CNBD1: variants seen among roughly 807,000 people sequenced by gnomAD.
The protein encoded by CNBD1 is cyclic nucleotide-binding domain-containing protein 1.
CNBD1 carries 71 observed loss-of-function variants against 54.4 expected under a neutral mutation model. That is an observed-to-expected ratio of 1.30 (90% confidence interval 1.08 to 1.59). The LOEUF (loss-of-function observed/expected upper bound fraction) is 1.59, where lower values mean the gene tolerates loss of function less well. CNBD1 is among the 40% of genes most tolerant of loss of function. The pLI is 0.00. For missense variants in CNBD1, 659 were observed against 518.0 expected, an observed-to-expected ratio of 1.27 and a Z score of -2.64; for synonymous variants, 182 against 170.7, an observed-to-expected ratio of 1.07 and a Z score of -0.51.
intron 8 of CNBD1, among the ~76,000 whole-genome samples, chr8:87,291,089 G>A (rs1015798595): frequency 6.6e-6 from 1 of 152,132 alleles, no homozygotes; most frequent in African/African-American, 2.4e-5. Flanking sequence ...CTTAGAAATA[G>A]TCTATGTCCT....
chr8:86,911,476 A>G (rs1253248346), intron 3 of CNBD1, among the ~76,000 whole-genome samples: 1 of 152,216 alleles, frequency 6.6e-6, no homozygotes, highest in African/African-American at 2.4e-5. Context: ...TTATTGATAC[A>G]TAGTAGATGT....
rs532418575 is a variant in CNBD1, at chr8:86,907,685, A to T, written c.272+2491A>T. Reference sequence around the variant, plus strand: ...CTATCTAAAAAAAAAACAAAAACAAAAAAACAAAAAAAAACCCCTTAAACT... The same window carrying T: ...CTATCTAAAAAAAAAACAAAAACAATAAAACAAAAAAAAACCCCTTAAACT... On this transcript the variant is annotated intron_variant, in intron 3 of 10. Coordinates refer to ENST00000518476, the MANE Select transcript of CNBD1 (RefSeq NM_173538.3). Among the ~76,000 whole-genome samples the T allele has an allele frequency of 5.9e-5, 9 of 152,088 alleles. No individual in the cohort carries two copies. The South Asian group carries it at 1.9e-3, about 32-fold the overall frequency.
chr8:87,334,578 C>CGT (rs1554580488), intron 8 of CNBD1, among the ~76,000 whole-genome samples: 1 of 151,562 alleles, frequency 6.6e-6, no homozygotes, highest in Non-Finnish European at 1.5e-5. Flanking sequence ...GTATGTTTTT[C>CGT]TGTTTTTATT....
intron 2 of CNBD1, among the ~76,000 whole-genome samples, chr8:87,418,397 C>T (rs76491288): frequency 0.018 from 2,762 of 151,834 alleles, 83 homozygotes; most frequent in African/African-American, 0.06. Context: ...TTTAACAAGT[C>T]GAAAAATTCT....
chr8:86,990,318 C>A (rs949080443), intron 4 of CNBD1, among the ~76,000 whole-genome samples: 1 of 152,050 alleles, frequency 6.6e-6, no homozygotes, highest in Non-Finnish European at 1.5e-5. Context: ...TGTAGTAGTT[C>A]CATGGTTTAT....
intron 2 of CNBD1, among the ~76,000 whole-genome samples, chr8:86,892,325 G>C (rs977053418): frequency 6.6e-6 from 1 of 151,988 alleles, no homozygotes; most frequent in African/African-American, 2.4e-5. Context: ...TATCACCTGT[G>C]AACAGCTTTT....
chr8:87,175,755 C>T lies in CNBD1; in HGVS notation c.432-30238C>T, dbSNP rs531930052. Among the ~76,000 whole-genome samples, 7 of 152,224 alleles carry T rather than the reference C, an allele frequency of 4.6e-5. No individual in the cohort carries two copies. The South Asian group carries it at 8.3e-4, about 18-fold the overall frequency. ...TCTGGGTGTCTCAGTTATTGCCTGCCCCCCAAGCTCGCTGGCTCCAAGCCA... is the reference window on the plus strand; with the variant it reads ...TCTGGGTGTCTCAGTTATTGCCTGCTCCCCAAGCTCGCTGGCTCCAAGCCA... On this transcript the variant is annotated intron_variant, in intron 4 of 10. Coordinates refer to ENST00000518476, the MANE Select transcript of CNBD1 (RefSeq NM_173538.3).
intron 4 of CNBD1, among the ~76,000 whole-genome samples, chr8:87,076,503 C>T (rs1337460154): frequency 4.6e-5 from 7 of 151,660 alleles, no homozygotes; most frequent in Non-Finnish European, 8.8e-5. Context: ...AGTGCAGTAT[C>T]ATGATCTTGG....
rs183028217 is a variant in CNBD1, at chr8:87,389,720, A to G, written c.213+35934A>G. On this transcript the variant is annotated intron_variant, in intron 2 of 7. Coordinates refer to the CNBD1 transcript ENST00000521593. ...CAATGCCATCCCCATCAAGATACCA[A>G]TGACTTTCTTCACAGAAATGGAAAA... Among the ~76,000 whole-genome samples, 16 of 152,330 alleles carry G rather than the reference A, an allele frequency of 1.1e-4. No individual in the cohort carries two copies. The East Asian group carries it at 2.9e-3, about 28-fold the overall frequency.
intron 4 of CNBD1, among the ~76,000 whole-genome samples, chr8:86,984,113 C>T (rs1808550678): frequency 6.6e-6 from 1 of 152,156 alleles, no homozygotes; most frequent in Admixed American, 6.5e-5. Context: ...CCCTGCATCC[C>T]AGCCTCTCCA....
rs1188773121 is a variant in CNBD1 at position 87,306,991 on chromosome 8, A to G, written c.1042+20320A>G. Among the ~76,000 whole-genome samples, 3 of 152,328 alleles carry G rather than the reference A, an allele frequency of 2.0e-5. No individual in the cohort carries two copies. The East Asian group carries it at 5.8e-4, about 29-fold the overall frequency. ...CAATAACTATATCTGAAATAAATAA[A>G]TGACCTAACCTCAAAAATAAATAAA... On this transcript the variant is annotated intron_variant, in intron 8 of 10. Transcript: ENST00000518476.
At position 87,097,474 on chromosome 8, in the gene CNBD1, T is replaced by C. The variant is rs73693024; in HGVS notation, c.432-108519T>C. ...CTTCGATGTGTACCAAGAAAAACAT[T>C]TATGTTTCTTCACTTGACAAGCACA... On this transcript the variant is annotated intron_variant, in intron 4 of 10. Transcript: ENST00000518476. Among the ~76,000 whole-genome samples, 630 of 152,324 alleles carry C rather than the reference T, an allele frequency of 4.1e-3. 5 individuals carry two copies. The highest frequency in any genetic ancestry group is 0.014 in the African/African-American group (596 of 41,574).
chr8:87,040,915 A>G (rs2130609287), intron 4 of CNBD1, among the ~76,000 whole-genome samples: 1 of 152,080 alleles, frequency 6.6e-6, no homozygotes, highest in East Asian at 1.9e-4. Context: ...ATTAATTTAT[A>G]TGTTGTATGT....
chr8:87,275,052 T>C (rs2130861372), intron 6 of CNBD1, among the ~76,000 whole-genome samples: 1 of 134,548 alleles, frequency 7.4e-6, no homozygotes, highest in East Asian at 2.0e-4. Flanking sequence ...ATTGCTTGTT[T>C]TTCTCAGGTT....
At chr8:87,227,439 G>T (rs1475176720) in intron 5 of CNBD1, among the ~76,000 whole-genome samples, 3 of 149,374 alleles carry the variant, frequency 2.0e-5, no homozygotes, top group Non-Finnish European at 3.0e-5. Context: ...AGGCCTGGTG[G>T]TGACAAAATC....
At chr8:87,343,558 ACT>A in intron 8 of CNBD1, among the ~76,000 whole-genome samples, 1 of 152,136 alleles carries the variant, frequency 6.6e-6, no homozygotes, top group East Asian at 1.9e-4. Context: ...TTATAACTAT[ACT>A]CTTGTCAACA....
At chr8:87,363,188 C>A (rs1435648167) in intron 10 of CNBD1, among the ~76,000 whole-genome samples, 2 of 151,898 alleles carry the variant, frequency 1.3e-5, no homozygotes, top group Non-Finnish European at 2.9e-5. Flanking sequence ...TGAACTCATC[C>A]TTTTTTTATG....
intron 6 of CNBD1, among the ~76,000 whole-genome samples, chr8:87,281,538 TAAGA>T (rs1442443416): frequency 8.3e-6 from 1 of 120,032 alleles, no homozygotes; most frequent in African/African-American, 3.0e-5. Context: ...TCTTCTAGGC[TAAGA>T]TATATATATA....
chr8:87,347,134 C>T (rs1283078242), intron 8 of CNBD1, among the ~76,000 whole-genome samples: 2 of 152,152 alleles, frequency 1.3e-5, no homozygotes, highest in African/African-American at 2.4e-5. Flanking sequence ...TACCCACCGC[C>T]AGACAGATAC....
Sources: allele counts gnomAD v4.1 joint callset (sites outside exome capture counted in the v4.1 genomes callset), GRCh38; gene constraint gnomAD v4.1.1; transcripts MANE v1.5; gene names NCBI Gene and HGNC (gene_info 2026-07-23, HGNC 2026-07-21).